MAOB: variants seen among roughly 807,000 people sequenced by gnomAD.
The protein encoded by MAOB is monoamine oxidase B, also known as amine oxidase [flavin-containing] B.
MAOB carries 15 observed loss-of-function variants against 41.9 expected under a neutral mutation model. That is an observed-to-expected ratio of 0.36 (90% CI 0.24 to 0.55). The LOEUF (loss-of-function observed/expected upper bound fraction) is 0.55, where lower values mean the gene tolerates loss of function less well. Among genes scored for constraint, MAOB ranks in the 20% least tolerant of loss-of-function variants. The pLI is 0.86. For missense variants in MAOB, 345 were observed against 398.7 expected (o/e 0.87, Z 1.15); for synonymous variants, 167 against 144.2 (o/e 1.16, Z -1.13).
intron 3 of MAOB, among the ~76,000 whole-genome samples, chrX:43,809,490 C>T (rs1389464481): frequency 2.7e-5 from 3 of 112,520 alleles, no homozygotes; most frequent in Non-Finnish European, 5.6e-5. Context: ...TAGGTAAATT[C>T]ATAAAAACAA....
intron 3 of MAOB, among the ~76,000 whole-genome samples, chrX:43,803,998 T>G (rs2034630849): frequency 9.0e-6 from 1 of 111,406 alleles, no homozygotes; most frequent in Admixed American, 9.6e-5. Context: ...TACCACCTGG[T>G]TCTTCCCACA....
At chrX:43,834,049 ATCTTCC>A (rs2035045949) in intron 3 of MAOB, among the ~76,000 whole-genome samples, 1 of 112,180 alleles carries the variant, frequency 8.9e-6, no homozygotes, top group African/African-American at 3.2e-5. Context: ...CCTTGAAAAA[ATCTTCC>A]ATAATAAGAC....
intron 3 of MAOB, among the ~76,000 whole-genome samples, chrX:43,836,173 A>G (rs2035069947): frequency 8.9e-6 from 1 of 112,197 alleles, no homozygotes; most frequent in Non-Finnish European, 1.9e-5. Context: ...TCCATGACAC[A>G]GGAGGCAAAT....
chrX:43,858,732 C>T (rs758821113), intron 1 of MAOB, among the ~76,000 whole-genome samples: 2 of 110,907 alleles, frequency 1.8e-5, no homozygotes, highest in East Asian at 2.8e-4. Flanking sequence ...CATCTAAATG[C>T]GCAAGAATCT....
At chrX:43,806,311 G>A (rs1171653405) in intron 3 of MAOB, among the ~76,000 whole-genome samples, 1 of 112,086 alleles carries the variant, frequency 8.9e-6, no homozygotes, top group African/African-American at 3.2e-5. Flanking sequence ...GTGTGTGATA[G>A]TTTCTCAGTA....
At chrX:43,788,118 G>A (rs776024920) in intron 8 of MAOB, among the ~76,000 whole-genome samples, 5 of 111,244 alleles carry the variant, frequency 4.5e-5, no homozygotes, top group Non-Finnish European at 9.4e-5. Context: ...TTCCACTCAT[G>A]GCTGAAGGTG....
intron 3 of MAOB, among the ~76,000 whole-genome samples, chrX:43,837,097 G>A (rs2035080014): frequency 8.9e-6 from 1 of 111,994 alleles, no homozygotes; most frequent in African/African-American, 3.2e-5. Context: ...TATAATCTCT[G>A]GTCATTTCCT....
intron 12 of MAOB, among the ~76,000 whole-genome samples, chrX:43,772,870 C>T (rs761482563): frequency 3.6e-5 from 4 of 111,629 alleles, no homozygotes; most frequent in South Asian, 3.8e-4. Context: ...TTCCTGCTTT[C>T]GCCATGTGAC....
chrX:43,877,112 A>G (rs746627151), intron 1 of MAOB, among the ~76,000 whole-genome samples: 1 of 112,475 alleles, frequency 8.9e-6, no homozygotes, highest in African/African-American at 3.2e-5. Flanking sequence ...CCCATTTCCA[A>G]ATGAGAAAAG....
Position 43,843,807 on chromosome X carries a change from T to A in MAOB, c.47-43A>T, listed in dbSNP as rs752546075. 1.1e-4 allele frequency: 130 copies of A among 1,198,774 alleles called. 2 individuals carry two copies. The highest frequency in any genetic ancestry group is 7.1e-4 in the Admixed American group (32 of 44,831). ...AAGACATCAGGATCAAATACAAGGA[T>A]GCCAGACAAGCTCCTCATGCTAACA... On this transcript the variant is annotated intron_variant, in intron 1 of 14. Transcript: ENST00000378069.
Position 43,882,275 on chromosome X carries a change from C to G in MAOB, c.25G>C (p.Val9Leu). The change falls in exon 1 of 15, where the codon GTG becomes CTG. Residue 9 changes from valine (V) to leucine (L), a missense_variant. Val to Leu is a conservative substitution (Grantham distance 32, BLOSUM62 1). Coordinates refer to ENST00000378069, the MANE Select transcript of MAOB (RefSeq NM_000898.5). Reference sequence around the variant, plus strand: ...TAACCTGAGATGCCGCCCCCCACCACGACCACGTCGCATTTGTTGCTCATG... The same window carrying G: ...TAACCTGAGATGCCGCCCCCCACCAGGACCACGTCGCATTTGTTGCTCATG... MSNKCDVV[V>L]VGGGISGMAA... is the part of the protein sequence containing the mutation. 8.3e-7 allele frequency: 1 copy of G among 1,209,806 alleles called. No homozygotes were observed.
At chrX:43,813,268 C>G (rs1224570164) in intron 3 of MAOB, among the ~76,000 whole-genome samples, 1 of 111,799 alleles carries the variant, frequency 8.9e-6, no homozygotes, top group Non-Finnish European at 1.9e-5. Flanking sequence ...TTCATTTAAT[C>G]CTCACAAAGA....
In MAOB at chrX:43,781,493, G is replaced by A. The variant is rs2034331576; in HGVS notation, c.980C>T (p.Thr327Met). 6.7e-6 allele frequency: 8 copies of A among 1,201,531 alleles called. No homozygotes were observed. Among genetic ancestry groups the A allele is most frequent in the Non-Finnish European group, 7.9e-6 (7 of 889,376 alleles). ...IDGEEAPVAY[T>M]LDDTKPEGNY... ...GCCTTCAGGTTTGGTATCATCCAAC[G>A]TGTAGGCAACTGGAGCTTCTTCTCC... The change falls in exon 9 of 15, where the codon ACG becomes ATG. Residue 327 changes from threonine to methionine, a missense_variant. Thr to Met is a moderately conservative substitution (Grantham distance 81). Coordinates refer to ENST00000378069, the MANE Select transcript of MAOB (RefSeq NM_000898.5).
chrX:43,876,737 G>A (rs1002633665), intron 1 of MAOB, among the ~76,000 whole-genome samples: 11 of 112,776 alleles, frequency 9.8e-5, no homozygotes, highest in African/African-American at 3.5e-4. Flanking sequence ...AAATTAAGCT[G>A]CTGACTTTCT....
intron 3 of MAOB, among the ~76,000 whole-genome samples, chrX:43,827,417 G>A (rs1302924615): frequency 9.0e-6 from 1 of 111,622 alleles, no homozygotes; most frequent in Admixed American, 9.5e-5. Context: ...TGGAAGGTTG[G>A]ATTTGGCTGG....
At chrX:43,776,973 T>C (rs1317042404) in intron 11 of MAOB, among the ~76,000 whole-genome samples, 4 of 111,150 alleles carry the variant, frequency 3.6e-5, no homozygotes, top group Non-Finnish European at 5.7e-5. Context: ...TATTCCATGG[T>C]GTATATGTGC....
At chrX:43,879,946 T>A (rs777569432) in intron 1 of MAOB, among the ~76,000 whole-genome samples, 28 of 112,472 alleles carry the variant, frequency 2.5e-4, no homozygotes, top group African/African-American at 8.7e-4. Flanking sequence ...CCCTGGTGAA[T>A]TCATATTCAT....
chrX:43,863,208 T>G (rs1435130940), intron 1 of MAOB, among the ~76,000 whole-genome samples: 4 of 112,204 alleles, frequency 3.6e-5, no homozygotes, highest in Admixed American at 1.9e-4. Context: ...GAAAAAGTAA[T>G]TATTTCTGAA....
At chrX:43,805,735 T>C (rs1013015202) in intron 3 of MAOB, among the ~76,000 whole-genome samples, 1 of 112,312 alleles carries the variant, frequency 8.9e-6, no homozygotes, top group African/African-American at 3.2e-5. Context: ...ATAAACATTC[T>C]TGTACAGGTC....
Sources: allele counts gnomAD v4.1 joint callset (sites outside exome capture counted in the v4.1 genomes callset), GRCh38; gene constraint gnomAD v4.1.1; transcripts MANE v1.5; gene names NCBI Gene and HGNC (gene_info 2026-07-23, HGNC 2026-07-21).